The following AAK1 variants were observed in gnomAD, a reference collection of about 807,000 sequenced individuals.
AAK1 encodes the protein AP2 associated kinase 1.
AAK1 carries 37 observed loss-of-function variants against 116.0 expected under a neutral mutation model. The ratio of observed to expected loss-of-function variants is 0.32; its 90% CI spans 0.25 to 0.42. The LOEUF is 0.42. Among genes scored for constraint, AAK1 ranks in the 10% least tolerant of loss-of-function variants. The probability of loss-of-function intolerance (pLI) is 1.00; values close to 1 mark genes in which losing one functional copy is unlikely to be tolerated. For synonymous variants in AAK1, 458 were observed against 439.9 expected, an observed-to-expected ratio of 1.04 and a Z score of -0.51; for missense variants, 919 against 1,170.6, an observed-to-expected ratio of 0.79 and a Z score of 3.14.
intron 2 of AAK1, among the ~76,000 whole-genome samples, chr2:69,577,731 A>T (rs1390028522): frequency 3.9e-5 from 6 of 152,018 alleles, no homozygotes; most frequent in African/African-American, 1.5e-4. Context: ...GTGCCAAAAC[A>T]GGAGGCCAGG....
In AAK1 at chr2:69,635,366, C is replaced by T. The variant is rs566898666; in HGVS notation, c.163+7512G>A. The stretch of plus-strand genomic sequence containing the variant: ...GATGGGAATGAAACATGGGTACAGC[C>T]GCTATGGAAAACAATGTGGCAATTC... On this transcript the variant is annotated intron_variant, in intron 2 of 21. Transcript: ENST00000409085. Among the ~76,000 whole-genome samples, 19 of 152,220 alleles carry T rather than the reference C, an allele frequency of 1.2e-4. No homozygotes were observed. The South Asian group carries it at 3.1e-3, about 25-fold the overall frequency.
Position 69,643,698 on chromosome 2 carries a change from C to G in AAK1, c.-358G>C. 2.5e-6 allele frequency: 3 copies of G among 1,217,642 alleles called. No homozygotes were observed. Among genetic ancestry groups the G allele is most frequent in the Non-Finnish European group, 3.1e-6 (3 of 979,038 alleles). 75.4% of individuals were successfully genotyped at this position (1,217,642 alleles called of 1,614,324 possible). A position where few individuals can be genotyped will look rare whatever the true frequency, so the allele number is the denominator to read the frequency against. On this transcript the variant is annotated 5_prime_UTR_variant, in exon 1 of 22. Coordinates refer to ENST00000409085, the MANE Select transcript of AAK1 (RefSeq NM_014911.5). Reference sequence around the variant, plus strand: ...GAGAGCCGGGGCCGCGCTCGGCTCCCGCCCGCCCGCCAGCTGATCCCGGGA... The same window carrying G: ...GAGAGCCGGGGCCGCGCTCGGCTCCGGCCCGCCCGCCAGCTGATCCCGGGA...
rs578115407 is a variant in AAK1 at position 69,599,313 on chromosome 2, T to C, written c.164-42335A>G. Among the ~76,000 whole-genome samples the C allele has an allele frequency of 7.6e-4, 115 of 151,398 alleles. 2 individuals are homozygous for C. In the South Asian group the frequency reaches 0.023, roughly 31 times the overall value. On this transcript the variant is annotated intron_variant, in intron 2 of 21. Transcript: ENST00000409085. ...AGCAATGTAGAGTTTTACTGAACAATCTAGTCACTTAATTTTGTGTATAAC... is the reference window on the plus strand; with the variant it reads ...AGCAATGTAGAGTTTTACTGAACAACCTAGTCACTTAATTTTGTGTATAAC...
At chr2:69,597,300 C>G (rs562199482) in intron 2 of AAK1, 16 of 152,490 alleles carry the variant, frequency 1.0e-4, no homozygotes, top group Non-Finnish European at 1.5e-5. Context: ...GAGGAAGAAC[C>G]TGCAGCTCGC....
At chr2:69,610,984 CTGAACTACCTTA>C (rs1006496578) in intron 2 of AAK1, among the ~76,000 whole-genome samples, 16 of 152,322 alleles carry the variant, frequency 1.1e-4, no homozygotes, top group African/African-American at 3.8e-4. Flanking sequence ...AAGCTGAGCA[CTGAACTACCTTA>C]TGATCCAGCA....
rs1343518565 is a variant in AAK1, at chr2:69,640,053, A to ACACTCT, written c.163+2824_163+2825insAGAGTG. ...CACACACACACACACACACACACAC[A>ACACTCT]CTCTCTCTCTCTCTCTCTCTCTCTC... On this transcript the variant is annotated intron_variant, in intron 2 of 21. Coordinates refer to ENST00000409085, the MANE Select transcript of AAK1 (RefSeq NM_014911.5). 6.9e-3 allele frequency among the ~76,000 whole-genome samples: 642 copies of ACACTCT among 92,750 alleles called. 5 individuals carry two copies. The highest frequency in any genetic ancestry group is 0.027 in the African/African-American group (548 of 20,438). The allele number at this position is 92,750 out of a possible 152,430, so 60.8% of individuals were successfully genotyped here.
rs1674570717 is a variant in AAK1 at position 69,468,639 on chromosome 2, T to G, written c.*7230A>C. On this transcript the variant is annotated 3_prime_UTR_variant, in exon 22 of 22. Coordinates refer to ENST00000409085, the MANE Select transcript of AAK1 (RefSeq NM_014911.5). ...ACACTAGTTTGAACAGAGTCAGTGT[T>G]TTTTGGAAATTTAAACTGAATTCAG... 1 of 985,426 alleles carries G rather than the reference T, an allele frequency of 1.0e-6. No homozygotes were observed. 61.0% of individuals were successfully genotyped at this position (985,426 alleles called of 1,614,324 possible).
intron 17 of AAK1, among the ~76,000 whole-genome samples, chr2:69,487,275 G>A (rs779239051): frequency 2.0e-5 from 3 of 152,192 alleles, no homozygotes; most frequent in Admixed American, 6.5e-5. Flanking sequence ...ATGGAGCCTG[G>A]AGGCCTTCCA....
chr2:69,559,803 C>T (rs1001349635), intron 2 of AAK1, among the ~76,000 whole-genome samples: 49 of 152,338 alleles, frequency 3.2e-4, no homozygotes, highest in African/African-American at 1.1e-3. Flanking sequence ...GTATTTCCTA[C>T]AGTTCAATGA....
rs1175440365 is a variant in AAK1, at chr2:69,475,791, A to AT, written c.*77dup. 4.7e-5 allele frequency: 70 copies of AT among 1,504,632 alleles called. No homozygotes were observed. Among genetic ancestry groups the AT allele is most frequent in the Non-Finnish European group, 5.8e-5 (65 of 1,116,194 alleles). 93.2% of individuals were successfully genotyped at this position (1,504,632 alleles called of 1,614,324 possible). A position where few individuals can be genotyped will look rare whatever the true frequency, so the allele number is the denominator to read the frequency against. ...ATTTGCAGATTTTTTTAAAAAAATC[A>AT]TTTTTTTCATAACTCCGTAATGAAA... On this transcript the variant is annotated 3_prime_UTR_variant, in exon 22 of 22. Coordinates refer to ENST00000409085, the MANE Select transcript of AAK1 (RefSeq NM_014911.5).
intron 20 of AAK1, among the ~76,000 whole-genome samples, chr2:69,477,423 A>T (rs1192430004): frequency 6.6e-6 from 1 of 152,132 alleles, no homozygotes; most frequent in Non-Finnish European, 1.5e-5. Flanking sequence ...TGGCTCTTTA[A>T]GAAGTAACCA....
intron 5 of AAK1, among the ~76,000 whole-genome samples, chr2:69,541,872 A>C (rs1670738008): frequency 6.6e-6 from 1 of 152,232 alleles, no homozygotes; most frequent in South Asian, 2.1e-4. Context: ...GGCTGGATTC[A>C]AATTCTGGCA....
chr2:69,480,031 A>G (rs1675023463), intron 19 of AAK1, among the ~76,000 whole-genome samples: 1 of 152,162 alleles, frequency 6.6e-6, no homozygotes, highest in Admixed American at 6.5e-5. Flanking sequence ...CTGGGATTAC[A>G]GGTGTGAGCC....
intron 2 of AAK1, among the ~76,000 whole-genome samples, chr2:69,587,160 C>T (rs925768418): frequency 1.3e-5 from 2 of 151,474 alleles, no homozygotes; most frequent in African/African-American, 4.9e-5. Flanking sequence ...TGACAGCTCG[C>T]TGCAGCCTCG....
intron 2 of AAK1, among the ~76,000 whole-genome samples, chr2:69,599,367 T>A (rs1337100830): frequency 1.1e-4 from 15 of 140,508 alleles, no homozygotes; most frequent in African/African-American, 4.1e-4. Flanking sequence ...TAAAAATATA[T>A]ATAGTTCTGT....
At position 69,475,602 on chromosome 2, in the gene AAK1, G is replaced by A; in HGVS notation, c.*267C>T. 3 of 1,200,668 alleles carry A rather than the reference G, an allele frequency of 2.5e-6. No individual in the cohort carries two copies. The highest frequency in any genetic ancestry group is 3.8e-5 in the East Asian group (1 of 26,562). 74.4% of individuals were successfully genotyped at this position (1,200,668 alleles called of 1,614,324 possible). On this transcript the variant is annotated 3_prime_UTR_variant, in exon 22 of 22. Transcript: ENST00000409085. ...AGAGGTGAAGCTCATGGCATCTAGTGCTTGATTTAAGATAATGCTATTGAA... is the reference window on the plus strand; with the variant it reads ...AGAGGTGAAGCTCATGGCATCTAGTACTTGATTTAAGATAATGCTATTGAA...
intron 2 of AAK1, among the ~76,000 whole-genome samples, chr2:69,588,963 C>T (rs939529377): frequency 2.0e-5 from 3 of 152,128 alleles, no homozygotes; most frequent in Non-Finnish European, 4.4e-5. Flanking sequence ...TTTTAGATGC[C>T]TTTTAGAAAA....
intron 2 of AAK1, among the ~76,000 whole-genome samples, chr2:69,634,611 A>C (rs17036889): frequency 0.12 from 17,778 of 152,210 alleles, 2,336 homozygotes; most frequent in African/African-American, 0.31. Flanking sequence ...CTGAACCCCA[A>C]AAGGCAATTA....
Position 69,626,068 on chromosome 2 carries a change from T to C in AAK1, c.163+16810A>G, listed in dbSNP as rs573738912. ...AGTGAATGAAGTACCCTTTCTCCTG[T>C]CCAAGGTTATCTCTGTTACTTGAGT... On this transcript the variant is annotated intron_variant, in intron 2 of 21. Transcript: ENST00000409085. 1.5e-3 allele frequency among the ~76,000 whole-genome samples: 224 copies of C among 152,202 alleles called. 1 individual carries two copies. Among genetic ancestry groups the C allele is most frequent in the African/African-American group, 4.8e-3 (200 of 41,510 alleles).
Sources: gnomAD v4.1 joint callset for allele counts (sites outside exome capture counted in the v4.1 genomes callset) on GRCh38, gnomAD v4.1.1 for gene constraint, MANE v1.5 for transcripts, NCBI Gene and HGNC (gene_info 2026-07-23, HGNC 2026-07-21) for gene names.